The following GLOD4 variants were observed in gnomAD, a reference collection of about 807,000 sequenced individuals.
The protein encoded by GLOD4 is glyoxalase domain containing 4, also known as glyoxalase domain-containing protein 4.
In GLOD4, 44 loss-of-function variants were observed where a neutral mutation model predicts 39.1. The observed-to-expected ratio is 1.13, with a 90% CI of 0.88 to 1.45. The LOEUF (loss-of-function observed/expected upper bound fraction) is 1.45, where lower values mean the gene tolerates loss of function less well. Among genes scored for constraint, GLOD4 ranks in the 40% most tolerant of loss-of-function variants. GLOD4 has a pLI of 0.00. For missense variants in GLOD4, 405 were observed against 366.4 expected, an observed-to-expected ratio of 1.11 and a Z score of -0.86; for synonymous variants, 145 against 135.0, an observed-to-expected ratio of 1.07 and a Z score of -0.52.
In GLOD4 at chr17:760,064, T is replaced by G; in HGVS notation, c.*109A>C. On this transcript the variant is annotated 3_prime_UTR_variant, in exon 9 of 9. Transcript: ENST00000301329. ...ACAAATCTGCACTACCCAAGCCTCC[T>G]TGCCTGTACGGGAAACAAATCAGAA... The G allele has an allele frequency of 1.4e-6, 1 of 736,396 alleles. No individual in the cohort carries two copies. Among genetic ancestry groups the G allele is most frequent in the Non-Finnish European group, 2.5e-6 (1 of 402,920 alleles). 45.6% of individuals were successfully genotyped at this position (736,396 alleles called of 1,614,324 possible).
chr17:783,632 T>A (rs1323320011), upstream of GLOD4: 1 of 282,078 alleles, frequency 3.5e-6, no homozygotes, highest in Admixed American at 4.7e-5. Flanking sequence ...CCACCATGCC[T>A]GGCCTTACAC....
upstream of GLOD4, chr17:783,331 A>G: frequency 6.3e-7 from 1 of 1,590,554 alleles, no homozygotes. Context: ...ATAATGGGTT[A>G]GTGATTACCC....
intron 4 of GLOD4, among the ~76,000 whole-genome samples, chr17:774,890 G>A (rs1908624232): frequency 1.3e-5 from 2 of 151,952 alleles, no homozygotes; most frequent in South Asian, 4.2e-4. Flanking sequence ...ACAATATAGT[G>A]AAACCCTGTC....
chr17:783,083 C>A (rs1313509753), upstream of GLOD4: 1 of 1,605,918 alleles, frequency 6.2e-7, no homozygotes, highest in Non-Finnish European at 8.5e-7. Flanking sequence ...CCATCTACAG[C>A]AGTGTAATGA....
At chr17:782,697 T>A, upstream of GLOD4, 2 of 1,593,820 alleles carry the variant, frequency 1.3e-6, no homozygotes, top group Non-Finnish European at 1.7e-6. Flanking sequence ...GCTGAGGTGA[T>A]GTGGTTCTTG....
At position 779,638 on chromosome 17, in the gene GLOD4, CAAAA is replaced by C. The variant is rs111230239; in HGVS notation, c.91-898_91-895del. Reference sequence around the variant, plus strand: ...GGGTGACAAGAGCAAAACTCAAACTCAAAAAAAAAAAAAAGTCTGATTTGGAATT... The same window carrying C: ...GGGTGACAAGAGCAAAACTCAAACTCAAAAAAAAAAGTCTGATTTGGAATT... On this transcript the variant is annotated intron_variant, in intron 1 of 8. Transcript: ENST00000301329. 2.7e-3 allele frequency among the ~76,000 whole-genome samples: 308 copies of C among 115,188 alleles called. 2 individuals are homozygous for C. Among genetic ancestry groups the C allele is most frequent in the African/African-American group, 9.6e-3 (296 of 30,770 alleles). The allele number at this position is 115,188 out of a possible 152,430, so 75.6% of individuals were successfully genotyped here.
chr17:771,156 G>T (rs1214875634), intron 5 of GLOD4, 169 bp downstream of exon 5: 4 of 504,746 alleles, frequency 7.9e-6, no homozygotes, highest in Non-Finnish European at 1.4e-5. Context: ...GGGTGGTAAG[G>T]TTATCACTTA....
chr17:765,665 C>G (rs549298388), intron 8 of GLOD4, among the ~76,000 whole-genome samples: 1 of 150,526 alleles, frequency 6.6e-6, no homozygotes, highest in South Asian at 2.1e-4. Flanking sequence ...AGGATGGTCT[C>G]GATCTCCTGA....
At chr17:782,761 C>T, upstream of GLOD4, 1 of 1,474,282 alleles carries the variant, frequency 6.8e-7, no homozygotes, top group Non-Finnish European at 9.1e-7. Context: ...ACCTTAACCT[C>T]CTTCCGATGG....
upstream of GLOD4, chr17:782,359 C>T: frequency 6.2e-7 from 1 of 1,613,162 alleles, no homozygotes; most frequent in South Asian, 1.1e-5. Flanking sequence ...TTTCGTGACG[C>T]AGCCCGGGTC....
At chr17:765,666 G>A (rs944902731) in intron 8 of GLOD4, among the ~76,000 whole-genome samples, 1 of 149,608 alleles carries the variant, frequency 6.7e-6, no homozygotes, top group Non-Finnish European at 1.5e-5. Flanking sequence ...GGATGGTCTC[G>A]ATCTCCTGAC....
At chr17:780,120 C>T (rs1909634907) in intron 1 of GLOD4, among the ~76,000 whole-genome samples, 2 of 151,990 alleles carry the variant, frequency 1.3e-5, no homozygotes, top group African/African-American at 2.4e-5. Flanking sequence ...GCCGAGATTG[C>T]GCCACTGCAC....
Position 769,879 on chromosome 17 carries a change from A to C in GLOD4, c.821T>G (p.Leu274Trp), listed in dbSNP as rs1485224723. ...LSKMDPEGSK[L>W]LDDAMAADKS... ...AGAAATGGGACTCACATCATCCAAC[A>C]ATTTGCTTCCCTCTGGATCCATCTT... Residue 274 changes from leucine (L) to tryptophan (W), a missense_variant, in exon 8 of 9, where the codon TTG (leucine) becomes TGG (tryptophan). Coordinates refer to ENST00000301329, the MANE Select transcript of GLOD4 (RefSeq NM_016080.4). 4 of 1,586,688 alleles carry C rather than the reference A, an allele frequency of 2.5e-6. No individual in the cohort carries two copies. The highest frequency in any genetic ancestry group is 2.7e-5 in the African/African-American group (2 of 74,362).
upstream of GLOD4, among the ~76,000 whole-genome samples, chr17:785,380 A>G (rs1021485620): frequency 6.6e-6 from 1 of 151,342 alleles, no homozygotes; most frequent in Admixed American, 6.6e-5. Context: ...TTAGAGATTA[A>G]TAATGTAGAG....
chr17:775,399 A>G (rs1295310150), intron 4 of GLOD4, among the ~76,000 whole-genome samples: 1 of 152,218 alleles, frequency 6.6e-6, no homozygotes, highest in African/African-American at 2.4e-5. Context: ...GCAGAGAACA[A>G]CAGAACGTAG....
At chr17:782,400 G>A (rs2273454), upstream of GLOD4, 3 of 1,613,366 alleles carry the variant, frequency 1.9e-6, no homozygotes, top group East Asian at 2.2e-5. Context: ...GGTGAGACCC[G>A]CGAGGTTTGT....
rs1907637524 is a variant in GLOD4, at chr17:769,964, A to G, written c.745-9T>C. 6.2e-7 allele frequency: 1 copy of G among 1,600,636 alleles called. No individual in the cohort carries two copies. Among genetic ancestry groups the G allele is most frequent in the Non-Finnish European group, 8.6e-7 (1 of 1,167,714 alleles). ...CAAATTTCATGTCCGTCCTACACCA[A>G]TAAAGAGAAAAGACACCTGCCAAAG... On this transcript the variant is annotated splice_polypyrimidine_tract_variant and intron_variant, in intron 7 of 8. Transcript: ENST00000301329.
In GLOD4 at chr17:760,102, G is replaced by T; in HGVS notation, c.*71C>A. The T allele has an allele frequency of 1.2e-6, 1 of 857,664 alleles. No individual in the cohort carries two copies. The highest frequency in any genetic ancestry group is 2.0e-6 in the Non-Finnish European group (1 of 494,576). 53.1% of individuals were successfully genotyped at this position (857,664 alleles called of 1,614,324 possible). On this transcript the variant is annotated 3_prime_UTR_variant, in exon 9 of 9. Transcript: ENST00000301329. ...AAACAAATCAGAAGAGCATTTATTG[G>T]GAACTGACACGTCAGGCCTCACAGG...
intron 5 of GLOD4, 156 bp downstream of exon 5, chr17:771,159 ATCACTTATTT>A: frequency 2.0e-6 from 1 of 511,890 alleles, no homozygotes. Context: ...TGGTAAGGTT[ATCACTTATTT>A]TCTTCTGTTT....
Sources: gnomAD v4.1 joint callset for allele counts (sites outside exome capture counted in the v4.1 genomes callset) on GRCh38, gnomAD v4.1.1 for gene constraint, MANE v1.5 for transcripts, NCBI Gene and HGNC (gene_info 2026-07-23, HGNC 2026-07-21) for gene names.